Variants in PUM1 observed in about 807,000 individuals in gnomAD.
The protein encoded by PUM1 is pumilio homolog 1.
Under a neutral mutation model 131.8 loss-of-function variants are expected in PUM1, and 13 were observed. The ratio of observed to expected loss-of-function variants is 0.10; its 90% CI spans 0.06 to 0.16. PUM1 has a LOEUF of 0.16. PUM1 is among the 10% of genes least tolerant of loss of function. The probability of loss-of-function intolerance (pLI) is 1.00; values close to 1 mark genes in which losing one functional copy is unlikely to be tolerated. For synonymous variants in PUM1, 509 were observed against 556.5 expected, an observed-to-expected ratio of 0.91 and a Z score of 1.20; for missense variants, 961 against 1,512.4, an observed-to-expected ratio of 0.64 and a Z score of 6.05.
intron 18 of PUM1, 72 bp downstream of exon 18, chr1:30,945,273 AC>A (rs1350138638): frequency 1.3e-6 from 2 of 1,546,286 alleles, no homozygotes; most frequent in East Asian, 4.5e-5. Context: ...AGAACATGCC[AC>A]AAATCCTACT....
At chr1:30,961,618 G>A (rs775632850) in intron 14 of PUM1, among the ~76,000 whole-genome samples, 1 of 151,992 alleles carries the variant, frequency 6.6e-6, no homozygotes, top group Non-Finnish European at 1.5e-5. Context: ...CACTCAATAA[G>A]TGATTTTTAA....
chr1:30,932,228 A>G lies in PUM1; in HGVS notation c.*983T>C, dbSNP rs963940610. On this transcript the variant is annotated 3_prime_UTR_variant, in exon 22 of 22. Transcript: ENST00000426105. ...TTGATTCAAACTTCTCCACATTTAC[A>G]TTACAGGTATACAAATGTACAATTG... 6.6e-6 allele frequency: 1 copy of G among 152,616 alleles called. No individual in the cohort carries two copies. Among genetic ancestry groups the G allele is most frequent in the African/African-American group, 2.4e-5 (1 of 41,430 alleles). The allele number at this position is 152,616 out of a possible 1,614,324, so 9.5% of individuals were successfully genotyped here. A position where few individuals can be genotyped will look rare whatever the true frequency, so the allele number is the denominator to read the frequency against.
At chr1:31,036,977 G>T in intron 2 of PUM1, 1 of 174,388 alleles carries the variant, frequency 5.7e-6, no homozygotes, top group East Asian at 1.5e-4. Flanking sequence ...CATGGTTGTG[G>T]TTTCTTCCCT....
At chr1:30,967,366 G>A in intron 11 of PUM1, 56 bp from the exon 12 acceptor site, 2 of 1,534,752 alleles carry the variant, frequency 1.3e-6, no homozygotes, top group Non-Finnish European at 1.8e-6. Context: ...AGTATCTCCT[G>A]GGCACCAACA....
intron 2 of PUM1, among the ~76,000 whole-genome samples, chr1:31,038,984 A>ATATATATATATTTTT: frequency 2.0e-4 from 10 of 49,414 alleles, no homozygotes; most frequent in East Asian, 6.7e-4. Flanking sequence ...ATATATATAT[A>ATATATATATATTTTT]TTTTTTTTTT....
intron 14 of PUM1, among the ~76,000 whole-genome samples, chr1:30,958,742 G>C (rs754095743): frequency 6.6e-6 from 1 of 152,122 alleles, no homozygotes; most frequent in Non-Finnish European, 1.5e-5. Context: ...GGTTTTCTAT[G>C]TAACCCACAT....
chr1:31,024,260 T>C (rs1643144477), intron 3 of PUM1, among the ~76,000 whole-genome samples: 1 of 152,170 alleles, frequency 6.6e-6, no homozygotes, highest in Non-Finnish European at 1.5e-5. Flanking sequence ...CCACCAAATT[T>C]TGCCTTTCTT....
chr1:30,960,996 AC>A (rs970681088), intron 14 of PUM1, among the ~76,000 whole-genome samples: 17 of 151,528 alleles, frequency 1.1e-4, no homozygotes, highest in African/African-American at 4.1e-4. Context: ...AAAAAAAGGG[AC>A]CAGCCTGGCC....
chr1:30,966,070 G>C lies in PUM1; in HGVS notation c.1998C>G (p.Ala666=). ...ATCCCAAGGATGTGTTGGCAGGCTG[G>C]GCAGAGCCCTGGGAGAAGAGGGAGC... ...QSSSLFSQGS[A]QPANTSLGFG... The change falls in exon 13 of 22, where the codon GCC becomes GCG. Residue 666 remains alanine, a synonymous_variant. Transcript: ENST00000426105. The C allele has an allele frequency of 6.2e-7, 1 of 1,614,190 alleles. No individual in the cohort carries two copies. The highest frequency in any genetic ancestry group is 8.5e-7 in the Non-Finnish European group (1 of 1,180,022).
intron 17 of PUM1, among the ~76,000 whole-genome samples, chr1:30,946,514 G>A (rs1639677328): frequency 6.6e-6 from 1 of 151,444 alleles, no homozygotes; most frequent in African/African-American, 2.4e-5. Flanking sequence ...GTGCGCGCCT[G>A]TAATCTCAGC....
At chr1:30,992,129 A>C (rs2124485501) in intron 7 of PUM1, among the ~76,000 whole-genome samples, 1 of 152,340 alleles carries the variant, frequency 6.6e-6, no homozygotes, top group Non-Finnish European at 1.5e-5. Context: ...ATACTACCTC[A>C]TCCACTCCCC....
intron 20 of PUM1, among the ~76,000 whole-genome samples, chr1:30,938,228 A>G (rs965046139): frequency 6.6e-6 from 1 of 152,108 alleles, no homozygotes; most frequent in Non-Finnish European, 1.5e-5. Flanking sequence ...ATGGTGACCC[A>G]GAGTACAAAG....
At chr1:30,977,487 A>T (rs1641184628) in intron 9 of PUM1, among the ~76,000 whole-genome samples, 1 of 152,230 alleles carries the variant, frequency 6.6e-6, no homozygotes, top group Non-Finnish European at 1.5e-5. Flanking sequence ...CTCAACTGGC[A>T]TTTCTACTAC....
At chr1:30,961,064 C>T (rs536629743) in intron 14 of PUM1, among the ~76,000 whole-genome samples, 6 of 151,578 alleles carry the variant, frequency 4.0e-5, no homozygotes, top group South Asian at 2.1e-4. Context: ...CATGGTGGCA[C>T]GTGCCTGTAA....
At chr1:30,989,527 G>A (rs1264748237) in intron 7 of PUM1, among the ~76,000 whole-genome samples, 12 of 120,302 alleles carry the variant, frequency 1.0e-4, no homozygotes, top group South Asian at 5.7e-4. Context: ...AGCCAAGATC[G>A]TACCACTGAA....
At position 30,933,411 on chromosome 1, in the gene PUM1, C is replaced by T. The variant is rs569383311; in HGVS notation, c.3436-69G>A. 1.0e-4 allele frequency: 141 copies of T among 1,392,176 alleles called. 2 individuals are homozygous for T. In the South Asian group the frequency reaches 1.5e-3, roughly 15 times the overall value. The allele number at this position is 1,392,176 out of a possible 1,614,324, so 86.2% of individuals were successfully genotyped here. A position where few individuals can be genotyped will look rare whatever the true frequency, so the allele number is the denominator to read the frequency against. ...CTTGGGGGCAGGCTTCCCGGACATG[C>T]ATTTGCATGTCATGCATCACACACA... On this transcript the variant is annotated intron_variant, in intron 21 of 21. Coordinates refer to ENST00000426105, the MANE Select transcript of PUM1 (RefSeq NM_001020658.2).
intron 20 of PUM1, among the ~76,000 whole-genome samples, chr1:30,938,625 G>A (rs1409726872): frequency 6.6e-6 from 1 of 152,142 alleles, no homozygotes; most frequent in Non-Finnish European, 1.5e-5. Flanking sequence ...AGCACTTTGG[G>A]AGGCCAAGGC....
intron 20 of PUM1, among the ~76,000 whole-genome samples, chr1:30,938,458 G>T (rs553425382): frequency 1.3e-5 from 2 of 152,284 alleles, no homozygotes; most frequent in East Asian, 3.9e-4. Flanking sequence ...TCCGCATGTT[G>T]ACCAAGCTGG....
chr1:31,016,474 T>C lies in PUM1; in HGVS notation c.433-9372A>G. Among the ~76,000 whole-genome samples the C allele has an allele frequency of 2.0e-5, 3 of 152,298 alleles. No homozygotes were observed. The Middle Eastern group carries it at 0.01, about 518-fold the overall frequency. On this transcript the variant is annotated intron_variant, in intron 3 of 21. Coordinates refer to ENST00000426105, the MANE Select transcript of PUM1 (RefSeq NM_001020658.2). ...AGATCTTCCAAATTCTCGTTTTGCA[T>C]TTATATATATGTATATATTCATGGT... is the stretch of plus-strand genomic sequence containing the variant.
Sources: gnomAD v4.1 joint callset for allele counts (sites outside exome capture counted in the v4.1 genomes callset) on GRCh38, gnomAD v4.1.1 for gene constraint, MANE v1.5 for transcripts, NCBI Gene and HGNC (gene_info 2026-07-23, HGNC 2026-07-21) for gene names.